Variants in EPPK1 observed in about 807,000 individuals in gnomAD.
EPPK1 encodes epiplakin 1, also known as epiplakin.
For missense variants in EPPK1, 3,823 were observed against 3,673.3 expected, an observed-to-expected ratio of 1.04 and a Z score of -1.05; for synonymous variants, 1,862 against 1,721.2, an observed-to-expected ratio of 1.08 and a Z score of -2.03.
Position 143,869,313 on chromosome 8 carries a change from C to T in EPPK1, c.3941G>A (p.Ser1314Asn). 6.2e-7 allele frequency: 1 copy of T among 1,605,892 alleles called. No individual in the cohort carries two copies. ...CCTCTCGGCCTGCCCGAGCTGCTCACTCAGCTCCCTGCCCACCAGGCCGAC... is the reference window on the plus strand; with the variant it reads ...CCTCTCGGCCTGCCCGAGCTGCTCATTCAGCTCCCTGCCCACCAGGCCGAC... ...VKVGLVGREL[S>N]EQLGQAERAA... The change falls in exon 2 of 2, where the codon AGT becomes AAT. Residue 1314 changes from serine (S) to asparagine (N), a missense_variant. By Grantham distance (46) the Ser-to-Asn change is conservative. Coordinates refer to ENST00000615648, the MANE Select transcript of EPPK1 (RefSeq NM_031308.4).
At position 143,866,296 on chromosome 8, in the gene EPPK1, A is replaced by G. The variant is rs1223107995; in HGVS notation, c.6958T>C (p.Ser2320Pro). The G allele has an allele frequency of 5.9e-6, 3 of 507,624 alleles. No homozygotes were observed. The highest frequency in any genetic ancestry group is 8.8e-5 in the African/African-American group (2 of 22,638). The allele number at this position is 507,624 out of a possible 1,614,324, so 31.4% of individuals were successfully genotyped here. The change falls in exon 2 of 2, where the codon TCC becomes CCC. Residue 2320 changes from serine (S) to proline (P), a missense_variant. Transcript: ENST00000615648. The part of the protein sequence containing the change: ...YTDPYTGQQI[S>P]LFQAMQKDLI... ...TCCTTCTGCATGGCCTGGAAGAGGG[A>G]GATCTGCTGCCCGGTGTAGGGGTCG...
At position 143,867,457 on chromosome 8, in the gene EPPK1, C is replaced by A; in HGVS notation, c.5797G>T (p.Ala1933Ser). 6.2e-7 allele frequency: 1 copy of A among 1,612,690 alleles called. No homozygotes were observed. Among genetic ancestry groups the A allele is most frequent in the South Asian group, 1.1e-5 (1 of 91,084 alleles). ...PAAFATWLLE[A>S]QAATGFLLDP... ...AGGAGGAACCCGGTGGCGGCCTGCG[C>A]CTCCAGCAGCCAAGTCGCAAATGCT... The change falls in exon 2 of 2, where the codon GCG becomes TCG. Residue 1933 changes from alanine to serine, a missense_variant. Coordinates refer to ENST00000615648, the MANE Select transcript of EPPK1 (RefSeq NM_031308.4).
intron 1 of EPPK1, among the ~76,000 whole-genome samples, chr8:143,876,350 A>T (rs1819477615): frequency 6.6e-6 from 1 of 152,176 alleles, no homozygotes; most frequent in South Asian, 2.1e-4. Flanking sequence ...AGTCTGGAGG[A>T]CGGGGAGGCA....
Position 143,867,611 on chromosome 8 carries a change from C to G in EPPK1, c.5643G>C (p.Gln1881His), listed in dbSNP as rs1554659528. The G allele has an allele frequency of 6.2e-7, 1 of 1,613,272 alleles. No homozygotes were observed. The highest frequency in any genetic ancestry group is 8.5e-7 in the Non-Finnish European group (1 of 1,179,884). ...HTLRVGRTGG[Q>H]ALSTLECVKP... ...TCACACACTCCAGCGTGCTGAGTGC[C>G]TGTCCCCCAGTCCTCCCCACACGAA... The change falls in exon 2 of 2, where the codon CAG (glutamine) becomes CAC (histidine). Residue 1881 changes from glutamine to histidine, a missense_variant. Gln to His is a conservative substitution (Grantham distance 24). Coordinates refer to ENST00000615648, the MANE Select transcript of EPPK1 (RefSeq NM_031308.4).
chr8:143,875,242 C>A (rs962876604), intron 1 of EPPK1, among the ~76,000 whole-genome samples: 1 of 152,226 alleles, frequency 6.6e-6, no homozygotes, highest in African/African-American at 2.4e-5. Context: ...TCACGAAGGG[C>A]ATGCTCCAGG....
chr8:143,866,636 C>T lies in EPPK1; in HGVS notation c.6618G>A (p.Thr2206=), dbSNP rs188369736. The change falls in exon 2 of 2, where the codon ACG becomes ACA. Residue 2206 remains threonine (T), a synonymous_variant. Coordinates refer to ENST00000615648, the MANE Select transcript of EPPK1 (RefSeq NM_031308.4). ...GGTCGTCCTCCATGAGCTCTTGCGT[C>T]GTGCTCCGTCCCGTTTCCAGGTCCT... The part of the protein sequence containing the change: ...MLQDLETGRS[T]TQELMEDDRV... 5,333 of 1,613,000 alleles carry T rather than the reference C, an allele frequency of 3.3e-3. 9 individuals carry two copies. Among genetic ancestry groups the T allele is most frequent in the Non-Finnish European group, 3.9e-3 (4,544 of 1,179,880 alleles).
Position 143,867,496 on chromosome 8 carries a change from C to T in EPPK1, c.5758G>A (p.Glu1920Lys), listed in dbSNP as rs782616789. ...GTCGCAAATGCTGCAGGGATGAGCT[C>T]CTTCCTGCTGGCCTCATGGAGGCTC... ...VMSLHEASRK[E>K]LIPAAFATWL... Residue 1920 changes from glutamate to lysine, a missense_variant, in exon 2 of 2, where the codon GAG (glutamate) becomes AAG (lysine). Glu to Lys is a moderately conservative substitution (Grantham distance 56). Coordinates refer to ENST00000615648, the MANE Select transcript of EPPK1 (RefSeq NM_031308.4). 3 of 1,612,674 alleles carry T rather than the reference C, an allele frequency of 1.9e-6. No homozygotes were observed. The highest frequency in any genetic ancestry group is 2.2e-5 in the South Asian group (2 of 91,082).
Position 143,870,108 on chromosome 8 carries a change from A to G in EPPK1, c.3146T>C (p.Ile1049Thr). The G allele has an allele frequency of 1.2e-6, 2 of 1,610,658 alleles. No homozygotes were observed. The highest frequency in any genetic ancestry group is 1.7e-6 in the Non-Finnish European group (2 of 1,179,056). Residue 1049 changes from isoleucine to threonine, a missense_variant, in exon 2 of 2, where the codon ATC becomes ACC. By Grantham distance (89) the Ile-to-Thr change is moderately conservative. Coordinates refer to ENST00000615648, the MANE Select transcript of EPPK1 (RefSeq NM_031308.4). The surrounding 1 kb of genome is among the most constrained non-coding windows in gnomAD (Gnocchi z 5.2). ...GTGGTGGTGGCTGGTGGGGTCAATG[A>G]TCCCTCCTGTGGCCACTTGAGCCTC... Reference protein sequence around the residue: ...LLEAQVATGGIIDPTSHHHLP... With the variant: ...LLEAQVATGGTIDPTSHHHLP...
At position 143,870,310 on chromosome 8, in the gene EPPK1, G is replaced by C. The variant is rs782179152; in HGVS notation, c.2944C>G (p.Leu982Val). Residue 982 changes from leucine (L) to valine (V), a missense_variant, in exon 2 of 2, where the codon CTC becomes GTC. Leu to Val is a conservative substitution (Grantham distance 32, BLOSUM62 1). Transcript: ENST00000615648. This position sits in a 1 kb window ranked among gnomAD's most constrained non-coding sequence, Gnocchi z 5.2. ...TIMDPHSPES[L>V]SVDEAVRRGV... The stretch of plus-strand genomic sequence containing the variant: ...CTGCGCACGGCCTCATCCACCGAGA[G>C]GCTCTCTGGGCTGTGAGGGTCCATG... The C allele has an allele frequency of 6.4e-7, 1 of 1,572,404 alleles. No homozygotes were observed. The highest frequency in any genetic ancestry group is 1.1e-5 in the South Asian group (1 of 87,382).
rs781805386 is a variant in EPPK1 at position 143,869,781 on chromosome 8, C to T, written c.3473G>A (p.Arg1158Gln). 4.4e-6 allele frequency: 7 copies of T among 1,604,898 alleles called. No homozygotes were observed. Among genetic ancestry groups the T allele is most frequent in the Admixed American group, 1.7e-5 (1 of 59,048 alleles). ...LSSCHFTEEQ[R>Q]RGLLEDVQEG... ...CTGCACGTCCTCCAGCAGGCCCCTC[C>T]GTTGCTCCTCGGTGAAGTGGCAGGA... Residue 1158 changes from arginine (R) to glutamine (Q), a missense_variant, in exon 2 of 2, where the codon CGG becomes CAG. Transcript: ENST00000615648.
rs375138049 is a variant in EPPK1, at chr8:143,867,306, G to A, written c.5948C>T (p.Thr1983Ile). 49 of 1,612,524 alleles carry A rather than the reference G, an allele frequency of 3.0e-5. No individual in the cohort carries two copies. Among genetic ancestry groups the A allele is most frequent in the African/African-American group, 4.0e-5 (3 of 74,918 alleles). ...RAATGYRDPA[T>I]GDTIPLFQAM... ...CTGGAACAGCGGGATCGTGTCTCCT[G>A]TGGCCGGATCCCTGTAGCCCGTGGC... Residue 1983 changes from threonine (T) to isoleucine (I), a missense_variant, in exon 2 of 2, where the codon ACA (threonine) becomes ATA (isoleucine). Coordinates refer to ENST00000615648, the MANE Select transcript of EPPK1 (RefSeq NM_031308.4).
At chr8:143,878,140 G>A (rs1448778698) in intron 1 of EPPK1, among the ~76,000 whole-genome samples, 2 of 151,942 alleles carry the variant, frequency 1.3e-5, no homozygotes, top group Admixed American at 6.6e-5. Context: ...CGCCTCTCCC[G>A]TGAGGGCTCG....
In EPPK1 at chr8:143,857,679, T is replaced by C. The variant is rs1818918423; in HGVS notation, c.*308A>G. 2.8e-6 allele frequency: 1 copy of C among 356,598 alleles called. No individual in the cohort carries two copies. The highest frequency in any genetic ancestry group is 5.0e-6 in the Non-Finnish European group (1 of 199,766). 22.1% of individuals were successfully genotyped at this position (356,598 alleles called of 1,614,324 possible). A position where few individuals can be genotyped will look rare whatever the true frequency, so the allele number is the denominator to read the frequency against. On this transcript the variant is annotated 3_prime_UTR_variant, in exon 2 of 2. Transcript: ENST00000615648. ...ACTGAGAGTCTAAAGAGTGACATTC[T>C]GTAAAATGGAAGCAGTGAATCCAAA...
rs1042918806 is a variant in EPPK1 at position 143,874,596 on chromosome 8, C to G, written c.-45-1298G>C. Among the ~76,000 whole-genome samples, 121 of 152,144 alleles carry G rather than the reference C, an allele frequency of 8.0e-4. 1 individual carries two copies. Among genetic ancestry groups the G allele is most frequent in the Non-Finnish European group, 1.9e-4 (13 of 68,018 alleles). On this transcript the variant is annotated intron_variant, in intron 1 of 1. Transcript: ENST00000615648. ...CTCCCCTCGAGCTCCGGAGGAAGTGCGGCCCTGCCCACTCCTCGCCTTCCG... is the reference window on the plus strand; with the variant it reads ...CTCCCCTCGAGCTCCGGAGGAAGTGGGGCCCTGCCCACTCCTCGCCTTCCG...
chr8:143,877,143 C>T (rs1238397147), intron 1 of EPPK1, among the ~76,000 whole-genome samples: 5 of 152,352 alleles, frequency 3.3e-5, no homozygotes, highest in East Asian at 3.9e-4. Context: ...GCGTGAGATG[C>T]GGCCTGTGGC....
In EPPK1 at chr8:143,866,846, C is replaced by G. The variant is rs1819134215; in HGVS notation, c.6408G>C (p.Lys2136Asn). The G allele has an allele frequency of 6.2e-7, 1 of 1,613,330 alleles. No homozygotes were observed. Among genetic ancestry groups the G allele is most frequent in the South Asian group, 1.1e-5 (1 of 91,086 alleles). Residue 2136 changes from lysine to asparagine, a missense_variant, in exon 2 of 2, where the codon AAG becomes AAC. By Grantham distance (94) the Lys-to-Asn change is moderately conservative (BLOSUM62 0). Coordinates refer to ENST00000615648, the MANE Select transcript of EPPK1 (RefSeq NM_031308.4). ...LNSEYVTEEKKLQLVRMYRTH... is the reference protein window; with the variant it reads ...LNSEYVTEEKNLQLVRMYRTH... Reference sequence around the variant, plus strand: ...TTCTATACATCCTCACCAGCTGGAGCTTCTTCTCCTCTGTCACGTATTCGG... The same window carrying G: ...TTCTATACATCCTCACCAGCTGGAGGTTCTTCTCCTCTGTCACGTATTCGG...
At position 143,866,740 on chromosome 8, in the gene EPPK1, G is replaced by T. The variant is rs782071803; in HGVS notation, c.6514C>A (p.Leu2172Met). 39 of 1,613,380 alleles carry T rather than the reference G, an allele frequency of 2.4e-5. No individual in the cohort carries two copies. Among genetic ancestry groups the T allele is most frequent in the Admixed American group, 2.2e-4 (13 of 60,010 alleles). ...TGTCGTCTAATTCCTTGGAACCACA[G>T]GTGTTTGTTGCTGGTTTCCTGCTTC... The part of the protein sequence containing the change: ...IEKQETSNKH[L>M]WFQGIRRQIT... Residue 2172 changes from leucine (L) to methionine (M), a missense_variant, in exon 2 of 2, where the codon CTG becomes ATG. Physicochemically the swap from Leu to Met is conservative, Grantham distance 15. Transcript: ENST00000615648.
rs1468402863 is a variant in EPPK1, at chr8:143,869,490, G to A, written c.3764C>T (p.Pro1255Leu). Residue 1255 changes from proline to leucine, a missense_variant, in exon 2 of 2, where the codon CCC (proline) becomes CTC (leucine). Coordinates refer to ENST00000615648, the MANE Select transcript of EPPK1 (RefSeq NM_031308.4). The stretch of plus-strand genomic sequence containing the variant: ...GGCGATGCTGGCCTTGGCCCCAGAG[G>A]GCTGTAGCAGCACACCGGCCACGCA... Reference protein sequence around the residue: ...TGCVAGVLLQPSGAKASIAQA... With the variant: ...TGCVAGVLLQLSGAKASIAQA... 15 of 1,548,094 alleles carry A rather than the reference G, an allele frequency of 9.7e-6. No individual in the cohort carries two copies. In the East Asian group the frequency reaches 1.6e-4, roughly 16 times the overall value.
Position 143,872,061 on chromosome 8 carries a change from T to G in EPPK1, c.1193A>C (p.Gln398Pro). The part of the protein sequence containing the change: ...RPLALRLLDA[Q>P]LATGGLVCPA... ...ACAGACCAGCCCGCCTGTGGCCAGCTGGGCATCCAAGAGCCGCAGTGCCAG... is the reference window on the plus strand; with the variant it reads ...ACAGACCAGCCCGCCTGTGGCCAGCGGGGCATCCAAGAGCCGCAGTGCCAG... The change falls in exon 2 of 2, where the codon CAG becomes CCG. Residue 398 changes from glutamine (Q) to proline (P), a missense_variant. Transcript: ENST00000615648. 1 of 1,561,474 alleles carries G rather than the reference T, an allele frequency of 6.4e-7. No homozygotes were observed.
Sources: gnomAD v4.1 joint callset for allele counts (sites outside exome capture counted in the v4.1 genomes callset) on GRCh38, gnomAD v4.1.1 for gene constraint, Gnocchi (gnomAD v3.1) non-coding constraint, MANE v1.5 for transcripts, NCBI Gene and HGNC (gene_info 2026-07-23, HGNC 2026-07-21) for gene names.